CD37: variants seen among roughly 807,000 people sequenced by gnomAD.
CD37 encodes leukocyte antigen CD37.
In CD37, 37 loss-of-function variants were observed where a neutral mutation model predicts 38.9. The observed-to-expected ratio is 0.95, with a 90% CI of 0.73 to 1.25. CD37 has a LOEUF of 1.25. CD37 is among the 50% of genes most tolerant of loss of function. CD37 has a pLI of 0.00. For missense variants in CD37, 351 were observed against 360.1 expected (o/e 0.97, Z 0.20); for synonymous variants, 146 against 150.1 (o/e 0.97, Z 0.20).
intron 4 of CD37, 135 bp downstream of exon 4, chr19:49,337,356 C>A: frequency 1.1e-6 from 1 of 907,882 alleles, no homozygotes; most frequent in Non-Finnish European, 1.7e-6. Context: ...GAGGCTGGGC[C>A]TGGTGGCTCA....
chr19:49,340,156 C>T (rs757688722), intron 7 of CD37, 95 bp from the exon 8 acceptor site: 22 of 1,438,632 alleles, frequency 1.5e-5, no homozygotes, highest in Non-Finnish European at 2.1e-5. Flanking sequence ...GCCCAATTCA[C>T]GGCCCCACCC....
rs1971080540 is a variant in CD37, at chr19:49,339,061, G to A, written c.684+125G>A. 6.1e-6 allele frequency: 5 copies of A among 823,704 alleles called. No homozygotes were observed. The East Asian group carries it at 1.3e-4, about 21-fold the overall frequency. The allele number at this position is 823,704 out of a possible 1,614,324, so 51.0% of individuals were successfully genotyped here. ...CGAGAAAAGGAAAGGTACGGCAGGA[G>A]GGGCGGGGCCCTCTGAAGGGGGCGG... On this transcript the variant is annotated intron_variant, in intron 6 of 7. Transcript: ENST00000323906. This position sits in a 1 kb window ranked among gnomAD's most constrained non-coding sequence, Gnocchi z 4.5.
chr19:49,336,981 C>T lies in CD37; in HGVS notation c.215C>T (p.Ala72Val). ...AISGIFTMGI[A>V]LLGCVGALKE... ...TCAGGAATCTTCACCATGGGCATCG[C>T]CCTCCTGGGTTGTGTGGGGGCCCTC... Residue 72 changes from alanine to valine, a missense_variant, in exon 3 of 8, where the codon GCC becomes GTC. Ala to Val is a moderately conservative substitution (Grantham distance 64). Coordinates refer to ENST00000323906, the MANE Select transcript of CD37 (RefSeq NM_001774.3). 2 of 1,614,098 alleles carry T rather than the reference C, an allele frequency of 1.2e-6. No individual in the cohort carries two copies. The highest frequency in any genetic ancestry group is 1.7e-6 in the Non-Finnish European group (2 of 1,179,940).
chr19:49,338,651 C>T lies in CD37; in HGVS notation c.448-49C>T. On this transcript the variant is annotated intron_variant, in intron 5 of 7. Coordinates refer to ENST00000323906, the MANE Select transcript of CD37 (RefSeq NM_001774.3). This position sits in a 1 kb window ranked among gnomAD's most constrained non-coding sequence, Gnocchi z 5.0. ...CATCACCTTGTCCCCTGATCCCCAACATCATATGTCTCCAGTCCCGGTCCC... is the reference window on the plus strand; with the variant it reads ...CATCACCTTGTCCCCTGATCCCCAATATCATATGTCTCCAGTCCCGGTCCC... 7.2e-7 allele frequency: 1 copy of T among 1,384,396 alleles called. No individual in the cohort carries two copies. Among genetic ancestry groups the T allele is most frequent in the Non-Finnish European group, 1.0e-6 (1 of 981,906 alleles). 85.8% of individuals were successfully genotyped at this position (1,384,396 alleles called of 1,614,324 possible).
At chr19:49,336,661 A>G in intron 2 of CD37, 1 of 472,496 alleles carries the variant, frequency 2.1e-6, no homozygotes, top group Non-Finnish European at 3.8e-6. Flanking sequence ...ACTACTGGGG[A>G]CGAGGAGGAG....
chr19:49,336,692 T>G, intron 2 of CD37: 4 of 527,758 alleles, frequency 7.6e-6, no homozygotes, highest in South Asian at 2.4e-5. Flanking sequence ...AAGGAGAGGG[T>G]AAGAGGAAGA....
In CD37 at chr19:49,338,076, C is replaced by A; in HGVS notation, c.447+47C>A. On this transcript the variant is annotated intron_variant, in intron 5 of 7. Transcript: ENST00000323906. This position sits in a 1 kb window ranked among gnomAD's most constrained non-coding sequence, Gnocchi z 5.0. ...CCCTCCCGGACTGACCCGCCTCAGC[C>A]CTGTGCTTGGAGGAGACTCCACCCC... 1.9e-6 allele frequency: 3 copies of A among 1,600,726 alleles called. No individual in the cohort carries two copies. Among genetic ancestry groups the A allele is most frequent in the Non-Finnish European group, 2.6e-6 (3 of 1,173,516 alleles).
At position 49,338,785 on chromosome 19, in the gene CD37, C is replaced by T; in HGVS notation, c.533C>T (p.Pro178Leu). Residue 178 changes from proline (P) to leucine (L), a missense_variant, in exon 6 of 8, where the codon CCC (proline) becomes CTC (leucine). By Grantham distance (98) the Pro-to-Leu change is moderately conservative. Coordinates refer to ENST00000323906, the MANE Select transcript of CD37 (RefSeq NM_001774.3). The surrounding 1 kb of genome is among the most constrained non-coding windows in gnomAD (Gnocchi z 5.0). The part of the protein sequence containing the change: ...RGNGSEAHRV[P>L]CSCYNLSATN... ...AACGGGTCGGAGGCGCACCGCGTGCCCTGCTCCTGCTACAACTTGTCGGCG... is the reference window on the plus strand; with the variant it reads ...AACGGGTCGGAGGCGCACCGCGTGCTCTGCTCCTGCTACAACTTGTCGGCG... The T allele has an allele frequency of 6.2e-7, 1 of 1,613,996 alleles. No individual in the cohort carries two copies. The highest frequency in any genetic ancestry group is 8.5e-7 in the Non-Finnish European group (1 of 1,180,024).
intron 7 of CD37, chr19:49,340,037 A>G (rs2146231484): frequency 6.7e-7 from 1 of 1,488,852 alleles, no homozygotes; most frequent in African/African-American, 1.4e-5. Flanking sequence ...ACTCCTTCTC[A>G]GCCTCTACCC....
Position 49,335,767 on chromosome 19 carries a change from C to T in CD37, c.123C>T (p.Thr41=). The change falls in exon 2 of 8, where the codon ACC becomes ACT. Residue 41 remains threonine (T), a synonymous_variant. Transcript: ENST00000323906. This position sits in a 1 kb window ranked among gnomAD's most constrained non-coding sequence, Gnocchi z 4.6. Reference sequence around the variant, plus strand: ...GCATCTGGATCCTCATTGACAAGACCAGCTTCGTGTCCTTTGTGGGTGAGG... The same window carrying T: ...GCATCTGGATCCTCATTGACAAGACTAGCTTCGTGTCCTTTGTGGGTGAGG... The part of the protein sequence containing the change: ...CFGIWILIDK[T]SFVSFVGLAF... The T allele has an allele frequency of 6.2e-7, 1 of 1,613,502 alleles. No homozygotes were observed. Among genetic ancestry groups the T allele is most frequent in the Non-Finnish European group, 8.5e-7 (1 of 1,179,672 alleles).
Position 49,338,963 on chromosome 19 carries a change from T to C in CD37, c.684+27T>C, listed in dbSNP as rs763001458. 6.5e-7 allele frequency: 1 copy of C among 1,542,972 alleles called. No homozygotes were observed. The highest frequency in any genetic ancestry group is 8.9e-7 in the Non-Finnish European group (1 of 1,118,276). ...TGGGCAGGGGTTCGGAGCATAAACC[T>C]GTCGAATGGGGCGGGGCCTGCGGGA... On this transcript the variant is annotated intron_variant, in intron 6 of 7. Coordinates refer to ENST00000323906, the MANE Select transcript of CD37 (RefSeq NM_001774.3). The surrounding 1 kb of genome is among the most constrained non-coding windows in gnomAD (Gnocchi z 5.0).
At position 49,338,099 on chromosome 19, in the gene CD37, C is replaced by A; in HGVS notation, c.447+70C>A. 6.4e-7 allele frequency: 1 copy of A among 1,570,060 alleles called. No homozygotes were observed. The highest frequency in any genetic ancestry group is 8.6e-7 in the Non-Finnish European group (1 of 1,157,390). ...GCCCTGTGCTTGGAGGAGACTCCAC[C>A]CCAACGTGGGCCCGACCCCCAGCTC... On this transcript the variant is annotated intron_variant, in intron 5 of 7. Coordinates refer to ENST00000323906, the MANE Select transcript of CD37 (RefSeq NM_001774.3). The surrounding 1 kb of genome is among the most constrained non-coding windows in gnomAD (Gnocchi z 5.0).
chr19:49,339,241 A>G lies in CD37; in HGVS notation c.685-89A>G. On this transcript the variant is annotated intron_variant, in intron 6 of 7. Coordinates refer to ENST00000323906, the MANE Select transcript of CD37 (RefSeq NM_001774.3). The surrounding 1 kb of genome is among the most constrained non-coding windows in gnomAD (Gnocchi z 4.5). Reference sequence around the variant, plus strand: ...ACTAGGGGAGCGGGTAGATGCCTGAAGACGGTGAGGGTTGGCCTGAAAAGA... The same window carrying G: ...ACTAGGGGAGCGGGTAGATGCCTGAGGACGGTGAGGGTTGGCCTGAAAAGA... 8.5e-7 allele frequency: 1 copy of G among 1,177,620 alleles called. No individual in the cohort carries two copies. Among genetic ancestry groups the G allele is most frequent in the Non-Finnish European group, 1.2e-6 (1 of 801,978 alleles). 72.9% of individuals were successfully genotyped at this position (1,177,620 alleles called of 1,614,324 possible).
Position 49,340,385 on chromosome 19 carries a change from T to C in CD37, c.*57T>C. The C allele has an allele frequency of 8.8e-7, 1 of 1,132,282 alleles. No individual in the cohort carries two copies. The highest frequency in any genetic ancestry group is 1.7e-5 in the Admixed American group (1 of 58,536). The allele number at this position is 1,132,282 out of a possible 1,614,324, so 70.1% of individuals were successfully genotyped here. A position where few individuals can be genotyped will look rare whatever the true frequency, so the allele number is the denominator to read the frequency against. The stretch of plus-strand genomic sequence containing the variant: ...CCGTCACGTGCGCTGGGCACTTCCC[T>C]GCTGCCTGTAAATATTTGTTTAATC... On this transcript the variant is annotated 3_prime_UTR_variant, in exon 8 of 8. Coordinates refer to ENST00000323906, the MANE Select transcript of CD37 (RefSeq NM_001774.3).
At position 49,339,271 on chromosome 19, in the gene CD37, T is replaced by C. The variant is rs1462336961; in HGVS notation, c.685-59T>C. On this transcript the variant is annotated intron_variant, in intron 6 of 7. Transcript: ENST00000323906. The surrounding 1 kb of genome is among the most constrained non-coding windows in gnomAD (Gnocchi z 4.5). ...GTGAGGGTTGGCCTGAAAAGAACGCTGGGCCTGGGCTTGAGAGTCCCAGAA... is the reference window on the plus strand; with the variant it reads ...GTGAGGGTTGGCCTGAAAAGAACGCCGGGCCTGGGCTTGAGAGTCCCAGAA... 2.0e-6 allele frequency: 3 copies of C among 1,494,932 alleles called. No homozygotes were observed. The highest frequency in any genetic ancestry group is 1.9e-6 in the Non-Finnish European group (2 of 1,077,042). The allele number at this position is 1,494,932 out of a possible 1,614,324, so 92.6% of individuals were successfully genotyped here. A position where few individuals can be genotyped will look rare whatever the true frequency, so the allele number is the denominator to read the frequency against.
At chr19:49,337,584 G>A (rs1971004163) in intron 4 of CD37, 1 of 1,321,740 alleles carries the variant, frequency 7.6e-7, no homozygotes, top group Non-Finnish European at 1.0e-6. Context: ...CACTCAGCCT[G>A]GGTGACAGAG....
In CD37 at chr19:49,339,268, C is replaced by T; in HGVS notation, c.685-62C>T. The T allele has an allele frequency of 1.4e-6, 2 of 1,472,890 alleles. No homozygotes were observed. Among genetic ancestry groups the T allele is most frequent in the Non-Finnish European group, 1.9e-6 (2 of 1,058,602 alleles). The allele number at this position is 1,472,890 out of a possible 1,614,324, so 91.2% of individuals were successfully genotyped here. A position where few individuals can be genotyped will look rare whatever the true frequency, so the allele number is the denominator to read the frequency against. The stretch of plus-strand genomic sequence containing the variant: ...ACGGTGAGGGTTGGCCTGAAAAGAA[C>T]GCTGGGCCTGGGCTTGAGAGTCCCA... On this transcript the variant is annotated intron_variant, in intron 6 of 7. Coordinates refer to ENST00000323906, the MANE Select transcript of CD37 (RefSeq NM_001774.3). This position sits in a 1 kb window ranked among gnomAD's most constrained non-coding sequence, Gnocchi z 4.5.
Position 49,339,680 on chromosome 19 carries a change from T to C in CD37, c.768+267T>C, listed in dbSNP as rs1168239418. 12 of 1,422,592 alleles carry C rather than the reference T, an allele frequency of 8.4e-6. No individual in the cohort carries two copies. The East Asian group carries it at 2.8e-4, about 33-fold the overall frequency. 88.1% of individuals were successfully genotyped at this position (1,422,592 alleles called of 1,614,324 possible). A position where few individuals can be genotyped will look rare whatever the true frequency, so the allele number is the denominator to read the frequency against. ...CAGATGACTGTCATGGTGCTGAGCG[T>C]ACAGCTACAGCGCAGGGCACTCCGC... On this transcript the variant is annotated intron_variant, in intron 7 of 7. Coordinates refer to ENST00000323906, the MANE Select transcript of CD37 (RefSeq NM_001774.3). The surrounding 1 kb of genome is among the most constrained non-coding windows in gnomAD (Gnocchi z 4.5).
chr19:49,337,306 A>T, intron 4 of CD37, 85 bp downstream of exon 4: 1 of 1,297,064 alleles, frequency 7.7e-7, no homozygotes, highest in Non-Finnish European at 1.1e-6. Context: ...AGAGACCGAA[A>T]CAAGGGCAGA....
Sources: allele counts gnomAD v4.1 joint callset, GRCh38; gene constraint gnomAD v4.1.1; non-coding constraint Gnocchi (gnomAD v3.1); transcripts MANE v1.5; gene names NCBI Gene and HGNC (gene_info 2026-07-23, HGNC 2026-07-21).